Variants in ALPK3 observed in about 807,000 individuals in gnomAD.
The protein encoded by ALPK3 is alpha kinase 3.
ALPK3 carries 102 observed loss-of-function variants against 140.0 expected under a neutral mutation model. The observed-to-expected ratio is 0.73, with a 90% confidence interval of 0.62 to 0.86. The LOEUF is 0.86. Among genes scored for constraint, ALPK3 ranks in the 40% least tolerant of loss-of-function variants. ALPK3 has a pLI of 0.00. For missense variants in ALPK3, 2,254 were observed against 2,208.2 expected (o/e 1.02, Z -0.42); for synonymous variants, 938 against 898.5 (o/e 1.04, Z -0.79).
chr15:84,847,240 A>AGG (rs1350834719), intron 5 of ALPK3, among the ~76,000 whole-genome samples: 1 of 149,590 alleles, frequency 6.7e-6, no homozygotes, highest in Non-Finnish European at 1.5e-5. Flanking sequence ...AGAGAGAGAG[A>AGG]GAGAGAGAGG....
At chr15:84,849,091 G>A (rs931777392) in intron 5 of ALPK3, among the ~76,000 whole-genome samples, 1 of 151,700 alleles carries the variant, frequency 6.6e-6, no homozygotes, top group African/African-American at 2.4e-5. Flanking sequence ...GCGTTGAGTC[G>A]AGATCACGCC....
rs1384906368 is a variant in ALPK3 at position 84,823,506 on chromosome 15, C to T, written c.182+138C>T. ...AGCTGGAGGGTGGGTGGGGAGAGTG[C>T]AAGAAGGTACTCAGGTGAACATGGC... On this transcript the variant is annotated intron_variant, in intron 2 of 13. Transcript: ENST00000258888. The T allele has an allele frequency of 6.2e-6, 6 of 963,972 alleles. No individual in the cohort carries two copies. The East Asian group carries it at 1.5e-4, about 24-fold the overall frequency. 59.7% of individuals were successfully genotyped at this position (963,972 alleles called of 1,614,324 possible). A position where few individuals can be genotyped will look rare whatever the true frequency, so the allele number is the denominator to read the frequency against.
At position 84,839,700 on chromosome 15, in the gene ALPK3, A is replaced by G. The variant is rs1165208700; in HGVS notation, c.423-2A>G. 3 of 1,595,788 alleles carry G rather than the reference A, an allele frequency of 1.9e-6. No individual in the cohort carries two copies. Among genetic ancestry groups the G allele is most frequent in the Non-Finnish European group, 1.7e-6 (2 of 1,169,588 alleles). On this transcript the variant is annotated splice_acceptor_variant, in intron 4 of 13. Transcript: ENST00000258888. LOFTEE classifies it high-confidence loss of function. ...GGTGGCACCTCCCGCTCCTACCTCTAGGTGTCGAGAAGAAGATGCCGCCAT... is the reference window on the plus strand; with the variant it reads ...GGTGGCACCTCCCGCTCCTACCTCTGGGTGTCGAGAAGAAGATGCCGCCAT...
intron 13 of ALPK3, 149 bp from the exon 14 acceptor site, chr15:84,867,962 T>C: frequency 1.3e-6 from 1 of 791,826 alleles, no homozygotes; most frequent in Non-Finnish European, 2.0e-6. Flanking sequence ...CCACCTGAGG[T>C]AGCACCAAGG....
chr15:84,817,667 T>C, intron 1 of ALPK3, 72 bp downstream of exon 1: 3 of 1,395,188 alleles, frequency 2.2e-6, no homozygotes, highest in Non-Finnish European at 2.8e-6. Context: ...GAGGGCGGCC[T>C]GGCCCCTGGA....
intron 5 of ALPK3, among the ~76,000 whole-genome samples, chr15:84,850,250 G>T (rs371485958): frequency 1.3e-5 from 2 of 152,172 alleles, no homozygotes; most frequent in Non-Finnish European, 2.9e-5. Flanking sequence ...TTCCAAACCA[G>T]CATTCCAGGG....
At chr15:84,841,134 CCTGA>C (rs1385299134) in intron 5 of ALPK3, among the ~76,000 whole-genome samples, 1 of 152,212 alleles carries the variant, frequency 6.6e-6, no homozygotes, top group Non-Finnish European at 1.5e-5. Flanking sequence ...GGCAGCACAG[CCTGA>C]CTGTGACCCT....
rs567548946 is a variant in ALPK3 at position 84,862,813 on chromosome 15, C to T, written c.4308C>T (p.Phe1436=). 11 of 1,614,098 alleles carry T rather than the reference C, an allele frequency of 6.8e-6. No homozygotes were observed. Among genetic ancestry groups the T allele is most frequent in the South Asian group, 3.3e-5 (3 of 91,088 alleles). Residue 1436 remains phenylalanine, a synonymous_variant, in exon 10 of 14, where the codon TTC becomes TTT. Coordinates refer to ENST00000258888, the MANE Select transcript of ALPK3 (RefSeq NM_020778.5). ...TCATCTACGGGCTGGAACCCATCTTCGAGTCGGGCCGCACGTGCATCATCA... is the reference window on the plus strand; with the variant it reads ...TCATCTACGGGCTGGAACCCATCTTTGAGTCGGGCCGCACGTGCATCATCA... ...AKVIYGLEPI[F]ESGRTCIIKV... is the part of the protein sequence containing the mutation.
At chr15:84,821,600 T>C (rs1251687331) in intron 1 of ALPK3, among the ~76,000 whole-genome samples, 19 of 152,070 alleles carry the variant, frequency 1.2e-4, no homozygotes, top group Admixed American at 1.1e-3. Context: ...GCACGCTCCT[T>C]TCCATCTTTT....
At position 84,858,344 on chromosome 15, in the gene ALPK3, TGGGTCCCCA is replaced by T. The variant is rs748783854; in HGVS notation, c.3610_3618del (p.Ser1204_Gly1206del). 19 of 1,557,206 alleles carry T rather than the reference TGGGTCCCCA, an allele frequency of 1.2e-5. No individual in the cohort carries two copies. In the South Asian group the frequency reaches 2.2e-4, roughly 18 times the overall value. Reference sequence around the variant, plus strand: ...GGGGGCCCAGGAAAAGCCTGGTGCCTGGGTCCCCAGGGACTCCAGGGCGGGAGAGACGCT... The same window carrying T: ...GGGGGCCCAGGAAAAGCCTGGTGCCTGGGACTCCAGGGCGGGAGAGACGCT... On this transcript the variant is annotated inframe_deletion, in exon 6 of 14. Coordinates refer to ENST00000258888, the MANE Select transcript of ALPK3 (RefSeq NM_020778.5).
chr15:84,831,493 A>T (rs1285926427), intron 3 of ALPK3, among the ~76,000 whole-genome samples: 2 of 152,052 alleles, frequency 1.3e-5, no homozygotes, highest in Admixed American at 1.3e-4. Context: ...ACTGAATTTT[A>T]ATTTCCAAGG....
In ALPK3 at chr15:84,861,547, C is replaced by T. The variant is rs148627272; in HGVS notation, c.4130-1088C>T. ...AAAGTTAAAAACAATCTGATACAAA[C>T]CCTATTGTTATCTAGGGGTTTTGGC... On this transcript the variant is annotated intron_variant, in intron 9 of 13. Transcript: ENST00000258888. Among the ~76,000 whole-genome samples, 436 of 152,316 alleles carry T rather than the reference C, an allele frequency of 2.9e-3. 1 individual carries two copies. The highest frequency in any genetic ancestry group is 8.7e-3 in the African/African-American group (360 of 41,572).
rs374646195 is a variant in ALPK3 at position 84,860,827 on chromosome 15, A to G, written c.4129+755A>G. Among the ~76,000 whole-genome samples, 9 of 152,264 alleles carry G rather than the reference A, an allele frequency of 5.9e-5. 1 individual carries two copies. The highest frequency in any genetic ancestry group is 2.2e-4 in the African/African-American group (9 of 41,538). ...AACCTCCGCTTCCTGGGTTCAAGCA[A>G]TTCTCGTGCCTCAGCCTCCCCAGTA... On this transcript the variant is annotated intron_variant, in intron 9 of 13. Transcript: ENST00000258888.
At chr15:84,817,662 C>A (rs1217332525) in intron 1 of ALPK3, 67 bp downstream of exon 1, 6 of 1,403,786 alleles carry the variant, frequency 4.3e-6, no homozygotes, top group South Asian at 1.5e-5. Context: ...CCTGTGAGGG[C>A]GGCCTGGCCC....
intron 1 of ALPK3, 93 bp from the exon 2 acceptor site, chr15:84,823,237 G>A: frequency 7.0e-7 from 1 of 1,432,846 alleles, no homozygotes; most frequent in Non-Finnish European, 9.8e-7. Flanking sequence ...CTGGGCCCCA[G>A]ATGGTGGCCG....
chr15:84,854,717 A>G (rs1299443944), intron 5 of ALPK3, among the ~76,000 whole-genome samples: 2 of 152,124 alleles, frequency 1.3e-5, no homozygotes, highest in Admixed American at 1.3e-4. Flanking sequence ...CCTGGCTCTT[A>G]CAGGTGACAC....
At chr15:84,817,618 G>T in intron 1 of ALPK3, 23 bp downstream of exon 1, 1 of 1,479,020 alleles carries the variant, frequency 6.8e-7, no homozygotes, top group Non-Finnish European at 8.9e-7. Context: ...AAGGGGCAGG[G>T]CGGCGTCGGG....
chr15:84,817,742 C>T, intron 1 of ALPK3, 147 bp downstream of exon 1: 1 of 1,104,004 alleles, frequency 9.1e-7, no homozygotes, highest in Non-Finnish European at 1.2e-6. Flanking sequence ...GGGGACATGG[C>T]CGGGCTGGAA....
chr15:84,858,380 C>T lies in ALPK3; in HGVS notation c.3642C>T (p.Ser1214=), dbSNP rs774275671. The change falls in exon 6 of 14, where the codon TCC becomes TCT. Residue 1214 remains serine (S), a synonymous_variant. Transcript: ENST00000258888. ...GGACTCCAGGGCGGGAGAGACGCTCCCCTACGCAGGGCAGAAAGGCGAGCA... is the reference window on the plus strand; with the variant it reads ...GGACTCCAGGGCGGGAGAGACGCTCTCCTACGCAGGGCAGAAAGGCGAGCA... ...SPGTPGRERR[S]PTQGRKASML... is the part of the protein sequence containing the mutation. The T allele has an allele frequency of 1.9e-6, 3 of 1,554,152 alleles. No homozygotes were observed. Among genetic ancestry groups the T allele is most frequent in the Admixed American group, 1.9e-5 (1 of 51,374 alleles).
Sources: gnomAD v4.1 joint callset for allele counts (sites outside exome capture counted in the v4.1 genomes callset) on GRCh38, gnomAD v4.1.1 for gene constraint, MANE v1.5 for transcripts, NCBI Gene and HGNC (gene_info 2026-07-23, HGNC 2026-07-21) for gene names.